FASN: variants seen among roughly 807,000 people sequenced by gnomAD.
FASN encodes the protein 3-hydroxyacyl-[acyl-carrier-protein] dehydratase.
FASN carries 50 observed loss-of-function variants against 250.0 expected under a neutral mutation model. The observed-to-expected ratio is 0.20, with a 90% CI of 0.16 to 0.25. The LOEUF is 0.25. Ranked by LOEUF, FASN falls within the 10% of genes least tolerant of loss-of-function variation. The pLI, the probability that FASN is intolerant of heterozygous loss-of-function variation, is 1.00. For missense variants in FASN, 3,031 were observed against 3,498.5 expected (o/e 0.87, Z 3.37); for synonymous variants, 1,909 against 1,584.0 (o/e 1.21, Z -4.87).
chr17:82,086,683 G>A, intron 21 of FASN, 125 bp from the exon 22 acceptor site: 1 of 785,404 alleles, frequency 1.3e-6, no homozygotes, highest in East Asian at 2.7e-5. Context: ...ATGAGAAATA[G>A]CTGAGGGTTG....
At chr17:82,079,922 G>A in intron 41 of FASN, 1 of 647,632 alleles carries the variant, frequency 1.5e-6, no homozygotes, top group Admixed American at 2.6e-5. Context: ...TGGTCAGGCT[G>A]GTCTCGAACT....
rs375145013 is a variant in FASN at position 82,089,367 on chromosome 17, G to A, written c.1983C>T (p.Phe661=). Residue 661 remains phenylalanine, a synonymous_variant, in exon 13 of 43, where the codon TTC becomes TTT. Transcript: ENST00000306749. ...ISGPQAPVFE[F]VEQLRKEGVF... ...CACCCTCCTTCCTCAGCTGCTCCAC[G>A]AACTCAAACACCGGGGCCTGGACAT... 8.7e-6 allele frequency: 14 copies of A among 1,612,670 alleles called. No homozygotes were observed. Among genetic ancestry groups the A allele is most frequent in the South Asian group, 3.3e-5 (3 of 91,086 alleles).
intron 37 of FASN, 84 bp downstream of exon 37, chr17:82,081,517 C>T (rs1271066604): frequency 1.2e-5 from 19 of 1,596,886 alleles, no homozygotes; most frequent in African/African-American, 1.1e-4. Context: ...GAAACTGAGG[C>T]GCACAGGGGC....
At chr17:82,097,386 T>G (rs2144814924) in intron 1 of FASN, 1 of 152,424 alleles carries the variant, frequency 6.6e-6, no homozygotes, top group South Asian at 2.1e-4. Flanking sequence ...AGGCCAGCGC[T>G]GGTCTGGCCA....
At chr17:82,086,883 T>C (rs1194201879) in intron 21 of FASN, among the ~76,000 whole-genome samples, 167 bp downstream of exon 21, 1 of 121,476 alleles carries the variant, frequency 8.2e-6, no homozygotes, top group Non-Finnish European at 1.8e-5. Context: ...GGCTGGGGGC[T>C]GGGGGAGGGA....
rs777087105 is a variant in FASN at position 82,084,901 on chromosome 17, G to A, written c.4462C>T (p.Pro1488Ser). The change falls in exon 26 of 43, where the codon CCG (proline) becomes TCG (serine). Residue 1488 changes from proline to serine, a missense_variant. Pro to Ser is a moderately conservative substitution (Grantham distance 74). Transcript: ENST00000306749. Reference protein sequence around the residue: ...SSTSHVPEVDPGSAELQKVLQ... With the variant: ...SSTSHVPEVDSGSAELQKVLQ... ...ACCTTCTGCAGTTCTGCGGAGCCCG[G>A]GTCCACCTCCGGGACGTGGGAGGTG... 4.2e-5 allele frequency: 65 copies of A among 1,551,644 alleles called. No homozygotes were observed. Among genetic ancestry groups the A allele is most frequent in the South Asian group, 8.3e-5 (7 of 84,260 alleles).
At chr17:82,081,506 G>A (rs1275928176) in intron 37 of FASN, 95 bp downstream of exon 37, 2 of 1,594,722 alleles carry the variant, frequency 1.3e-6, no homozygotes, top group East Asian at 4.5e-5. Context: ...CTGCAGATGG[G>A]GAAACTGAGG....
Position 82,082,567 on chromosome 17 carries a change from G to A in FASN, c.5879C>T (p.Ala1960Val), listed in dbSNP as rs139421825. 4.5e-5 allele frequency: 72 copies of A among 1,609,054 alleles called. No homozygotes were observed. Among genetic ancestry groups the A allele is most frequent in the East Asian group, 1.8e-4 (8 of 44,880 alleles). Residue 1960 changes from alanine to valine, a missense_variant, in exon 34 of 43, where the codon GCG becomes GTG. Physicochemically the swap from Ala to Val is moderately conservative, Grantham distance 64. Coordinates refer to ENST00000306749, the MANE Select transcript of FASN (RefSeq NM_004104.5). Reference sequence around the variant, plus strand: ...GACGCCGCCCACGGGCCCAAGCTGCGCCGCCTCGGCAATGAGGCCCCGGGC... The same window carrying A: ...GACGCCGCCCACGGGCCCAAGCTGCACCGCCTCGGCAATGAGGCCCCGGGC... ...EGARGLIAEA[A>V]QLGPVGGVFN...
chr17:82,080,213 C>T lies in FASN; in HGVS notation c.7073G>A (p.Gly2358Asp), dbSNP rs1281643667. 6.2e-7 allele frequency: 1 copy of T among 1,613,064 alleles called. No individual in the cohort carries two copies. The highest frequency in any genetic ancestry group is 8.5e-7 in the Non-Finnish European group (1 of 1,180,032). Reference protein sequence around the residue: ...TQSYRAKLTPGCEAEAETEAI... With the variant: ...TQSYRAKLTPDCEAEAETEAI... ...CTCCGTCTCAGCCTCAGCCTCACAG[C>T]CTGGGGTCAGCTTTGCCCGGTAGCT... The change falls in exon 41 of 43, where the codon GGC (glycine) becomes GAC (aspartate). Residue 2358 changes from glycine (G) to aspartate (D), a missense_variant. By Grantham distance (94) the Gly-to-Asp change is moderately conservative (BLOSUM62 -1). Coordinates refer to ENST00000306749, the MANE Select transcript of FASN (RefSeq NM_004104.5).
chr17:82,079,684 CTTTTT>C (rs904396780), intron 41 of FASN, 76 bp from the exon 42 acceptor site: 6 of 1,230,694 alleles, frequency 4.9e-6, no homozygotes, highest in Non-Finnish European at 6.5e-6. Context: ...TGCGGGTGGG[CTTTTT>C]TTTTTTGAGA....
At chr17:82,091,846 C>A (rs146097804) in intron 8 of FASN, among the ~76,000 whole-genome samples, 162 bp from the exon 9 acceptor site, 1 of 152,156 alleles carries the variant, frequency 6.6e-6, no homozygotes, top group Non-Finnish European at 1.5e-5. Context: ...CACAGGGGTC[C>A]GAGGACTGAG....
rs779577022 is a variant in FASN, at chr17:82,090,597, C to T, written c.1681-33G>A. 14 of 1,589,148 alleles carry T rather than the reference C, an allele frequency of 8.8e-6. No homozygotes were observed. In the East Asian group the frequency reaches 2.7e-4, roughly 31 times the overall value. ...GGGAACAGGACACTCAGGTTGCAAC[C>T]TCCAGCAGGTGCAGCTGTTGGGGGC... On this transcript the variant is annotated intron_variant, in intron 10 of 42. Transcript: ENST00000306749.
rs2144803749 is a variant in FASN, at chr17:82,091,532, G to A, written c.1182C>T (p.Gly394=). The A allele has an allele frequency of 6.2e-7, 1 of 1,602,008 alleles. No homozygotes were observed. Among genetic ancestry groups the A allele is most frequent in the Non-Finnish European group, 8.5e-7 (1 of 1,175,328 alleles). ...TGATGTGCACGTTGGAGCCCCCGAA[G>A]CCAAAGGAGTTGATGCCCACGTTGC... ...RGGNVGINSF[G]FGGSNVHIIL... Residue 394 remains glycine, a synonymous_variant, in exon 9 of 43, where the codon GGC becomes GGT. Transcript: ENST00000306749.
chr17:82,096,536 A>G (rs1352698342), intron 1 of FASN, 84 bp from the exon 2 acceptor site: 3 of 1,588,996 alleles, frequency 1.9e-6, no homozygotes, highest in Non-Finnish European at 2.6e-6. Context: ...ACAGGTGGAC[A>G]CCCATGGGGC....
At chr17:82,091,709 C>G (rs1568115924) in intron 8 of FASN, 25 bp from the exon 9 acceptor site, 2 of 1,539,420 alleles carry the variant, frequency 1.3e-6, no homozygotes, top group African/African-American at 1.4e-5. Flanking sequence ...GGTGGATGGG[C>G]AGCCGCCCCA....
chr17:82,081,118 T>A, intron 38 of FASN, 46 bp downstream of exon 38: 1 of 1,540,704 alleles, frequency 6.5e-7, no homozygotes, highest in Non-Finnish European at 8.8e-7. Context: ...GAGGAAGGGC[T>A]GGGGAGGCCC....
At position 82,085,369 on chromosome 17, in the gene FASN, G is replaced by A; in HGVS notation, c.4156C>T (p.Leu1386=). 3 of 1,611,688 alleles carry A rather than the reference G, an allele frequency of 1.9e-6. No individual in the cohort carries two copies. The highest frequency in any genetic ancestry group is 2.5e-6 in the Non-Finnish European group (3 of 1,179,570). Residue 1386 remains leucine, a synonymous_variant, in exon 24 of 43, where the codon CTG becomes TTG. Transcript: ENST00000306749. ...AWESLFSRVS[L]RLVGLKKSFY... ...GACTTCTTCAGGCCCACCAGGCGCA[G>A]CGACACCCTGGAGAAGAGGCTCTCC...
At position 82,085,678 on chromosome 17, in the gene FASN, C is replaced by A; in HGVS notation, c.3926G>T (p.Ser1309Ile). 1 of 1,576,812 alleles carries A rather than the reference C, an allele frequency of 6.3e-7. No individual in the cohort carries two copies. Among genetic ancestry groups the A allele is most frequent in the South Asian group, 1.2e-5 (1 of 86,410 alleles). Residue 1309 changes from serine to isoleucine, a missense_variant, in exon 23 of 43, where the codon AGC becomes ATC. By Grantham distance (142) the Ser-to-Ile change is moderately radical (BLOSUM62 -2). Transcript: ENST00000306749. The stretch of plus-strand genomic sequence containing the variant: ...ACAGTTGCACACCAGGAGGTCGGCG[C>A]TGCCCAGGGCGCTGGGGGCAGGGTC... ...PADPAPSALG[S>I]ADLLVCNCAV...
At position 82,087,376 on chromosome 17, in the gene FASN, C is replaced by T. The variant is rs768695138; in HGVS notation, c.3172G>A (p.Asp1058Asn). The T allele has an allele frequency of 8.7e-6, 14 of 1,612,626 alleles. No individual in the cohort carries two copies. The highest frequency in any genetic ancestry group is 5.3e-5 in the African/African-American group (4 of 75,020). Reference protein sequence around the residue: ...LPTRVTAIHIDPATHRQKLYT... With the variant: ...LPTRVTAIHINPATHRQKLYT... ...AGCTTCTGCCTGTGGGTGGCAGGGTCGATGTGGATGGCGGTGACACGGGTG... is the reference window on the plus strand; with the variant it reads ...AGCTTCTGCCTGTGGGTGGCAGGGTTGATGTGGATGGCGGTGACACGGGTG... The change falls in exon 20 of 43, where the codon GAC becomes AAC. Residue 1058 changes from aspartate to asparagine, a missense_variant. By Grantham distance (23) the Asp-to-Asn change is conservative (BLOSUM62 1). Transcript: ENST00000306749.
Sources: allele counts gnomAD v4.1 joint callset (sites outside exome capture counted in the v4.1 genomes callset), GRCh38; gene constraint gnomAD v4.1.1; transcripts MANE v1.5; gene names NCBI Gene and HGNC (gene_info 2026-07-23, HGNC 2026-07-21).